The following HECW2 variants were observed in gnomAD, a reference collection of about 807,000 sequenced individuals.
HECW2 encodes the protein HECT, C2 and WW domain containing E3 ubiquitin protein ligase 2, also known as E3 ubiquitin-protein ligase HECW2.
Under a neutral mutation model 175.2 loss-of-function variants are expected in HECW2, and 61 were observed. That is an observed-to-expected ratio of 0.35 (90% CI 0.28 to 0.43). HECW2 has a LOEUF of 0.43. HECW2 is among the 20% of genes least tolerant of loss of function. HECW2 has a pLI of 1.00. For synonymous variants in HECW2, 671 were observed against 731.0 expected (o/e 0.92, Z 1.32); for missense variants, 1,524 against 2,000.5 (o/e 0.76, Z 4.54).
chr2:196,229,069 A>G (rs1002351956), intron 21 of HECW2, among the ~76,000 whole-genome samples: 1 of 152,242 alleles, frequency 6.6e-6, no homozygotes, highest in Non-Finnish European at 1.5e-5. Flanking sequence ...AGTTTGCAGT[A>G]AAGCAATGTG....
chr2:196,271,152 G>C, intron 17 of HECW2, 41 bp downstream of exon 17: 1 of 1,142,526 alleles, frequency 8.8e-7, no homozygotes, highest in Non-Finnish European at 1.3e-6. Flanking sequence ...TTAATGGTTT[G>C]TGCTTATGCA....
chr2:196,285,580 C>T (rs1690355421), intron 14 of HECW2, among the ~76,000 whole-genome samples: 1 of 152,050 alleles, frequency 6.6e-6, no homozygotes. Context: ...ATTTACTTAC[C>T]CATTCTCTTC....
intron 2 of HECW2, among the ~76,000 whole-genome samples, chr2:196,411,739 G>C (rs565524739): frequency 6.6e-6 from 1 of 152,342 alleles, no homozygotes; most frequent in African/African-American, 2.4e-5. Context: ...GCCTGGATGC[G>C]GTGGCTCACG....
chr2:196,478,448 C>T (rs1415380205), intron 1 of HECW2, among the ~76,000 whole-genome samples: 1 of 152,154 alleles, frequency 6.6e-6, no homozygotes, highest in Admixed American at 6.5e-5. Flanking sequence ...TGCCCAGTAG[C>T]TTTGCAGTCA....
At chr2:196,499,122 C>T (rs933655636) in intron 1 of HECW2, among the ~76,000 whole-genome samples, 1 of 152,148 alleles carries the variant, frequency 6.6e-6, no homozygotes, top group African/African-American at 2.4e-5. Context: ...CCTTGCTCAG[C>T]TTGCCCTGCA....
Position 196,220,810 on chromosome 2 carries a change from C to T in HECW2, c.4278G>A (p.Val1426=). The change falls in exon 25 of 29, where the codon GTG becomes GTA. Residue 1426 remains valine, a synonymous_variant. Transcript: ENST00000644978. ...RGVVQQTESL[V]RGFYEVVDAR... ...TTGTCTTTACCTCATAGAAGCCACGCACTAAGCTCTCTGTTTGCTGTACAA... is the reference window on the plus strand; with the variant it reads ...TTGTCTTTACCTCATAGAAGCCACGTACTAAGCTCTCTGTTTGCTGTACAA... 6.2e-7 allele frequency: 1 copy of T among 1,614,122 alleles called. No individual in the cohort carries two copies. The highest frequency in any genetic ancestry group is 2.2e-5 in the East Asian group (1 of 44,878).
chr2:196,263,107 A>G (rs1470895038), intron 17 of HECW2: 3 of 152,108 alleles, frequency 2.0e-5, no homozygotes, highest in African/African-American at 7.2e-5. Flanking sequence ...AACAGAATCC[A>G]CTGGAGAGAA....
chr2:196,329,479 C>T, intron 5 of HECW2, 96 bp downstream of exon 5: 2 of 939,668 alleles, frequency 2.1e-6, no homozygotes, highest in Non-Finnish European at 3.5e-6. Flanking sequence ...CACATATCAT[C>T]ATATCATATA....
intron 1 of HECW2, among the ~76,000 whole-genome samples, chr2:196,442,709 A>G (rs1696075486): frequency 6.6e-6 from 1 of 152,212 alleles, no homozygotes; most frequent in African/African-American, 2.4e-5. Flanking sequence ...AATATAATTA[A>G]ATTGTGTTAA....
chr2:196,315,365 T>A (rs1056460538), intron 10 of HECW2, among the ~76,000 whole-genome samples: 2 of 152,302 alleles, frequency 1.3e-5, no homozygotes, highest in African/African-American at 4.8e-5. Flanking sequence ...CTTAGTTGTA[T>A]CAGACTGTCT....
intron 2 of HECW2, among the ~76,000 whole-genome samples, chr2:196,378,689 C>T (rs970561036): frequency 2.0e-5 from 3 of 152,172 alleles, no homozygotes; most frequent in South Asian, 2.1e-4. Context: ...AAGGTACTAA[C>T]AAGCCATGAG....
At chr2:196,331,207 G>T in intron 4 of HECW2, 1 of 985,236 alleles carries the variant, frequency 1.0e-6, no homozygotes, top group Non-Finnish European at 1.2e-6. Flanking sequence ...TCCATCTATA[G>T]ATCCAATTCC....
At chr2:196,401,297 A>C (rs145241378) in intron 2 of HECW2, among the ~76,000 whole-genome samples, 28 of 152,316 alleles carry the variant, frequency 1.8e-4, no homozygotes, top group African/African-American at 6.7e-4. Context: ...TAAACAATGA[A>C]TATTGAGATG....
chr2:196,459,021 C>T (rs1696630177), intron 1 of HECW2, among the ~76,000 whole-genome samples: 1 of 152,176 alleles, frequency 6.6e-6, no homozygotes, highest in South Asian at 2.1e-4. Context: ...ATGATTTGGT[C>T]CATGTTCTCT....
At chr2:196,475,671 G>T (rs1448336782) in intron 1 of HECW2, among the ~76,000 whole-genome samples, 2 of 152,198 alleles carry the variant, frequency 1.3e-5, no homozygotes, top group Non-Finnish European at 2.9e-5. Context: ...GAAAAGACAG[G>T]ATCTCTTTCT....
chr2:196,477,825 G>A (rs995971104), intron 1 of HECW2, among the ~76,000 whole-genome samples: 1 of 152,136 alleles, frequency 6.6e-6, no homozygotes, highest in African/African-American at 2.4e-5. Context: ...GCTGAGGCGG[G>A]TGGATCACCT....
intron 14 of HECW2, among the ~76,000 whole-genome samples, chr2:196,281,082 T>C (rs1690165650): frequency 6.6e-6 from 1 of 152,212 alleles, no homozygotes; most frequent in Non-Finnish European, 1.5e-5. Flanking sequence ...AATGGGTGTC[T>C]ACATGTAGGT....
At chr2:196,368,294 A>G (rs13412152) in intron 2 of HECW2, among the ~76,000 whole-genome samples, 50,212 of 152,054 alleles carry the variant, frequency 0.33, 10,938 homozygotes, top group African/African-American at 0.62. Context: ...AAGCCATTTT[A>G]ACTGGGGTAA....
At chr2:196,482,961 C>T (rs1686891988) in intron 1 of HECW2, among the ~76,000 whole-genome samples, 1 of 152,036 alleles carries the variant, frequency 6.6e-6, no homozygotes, top group Non-Finnish European at 1.5e-5. Context: ...AAATATAGTC[C>T]AGTTTTGCCA....
Sources: gnomAD v4.1 joint callset for allele counts (sites outside exome capture counted in the v4.1 genomes callset) on GRCh38, gnomAD v4.1.1 for gene constraint, MANE v1.5 for transcripts, NCBI Gene and HGNC (gene_info 2026-07-23, HGNC 2026-07-21) for gene names.